Variants in GSE1 observed in about 807,000 individuals in gnomAD.
The protein encoded by GSE1 is Gse1 coiled-coil protein, also known as genetic suppressor element 1.
GSE1 carries 32 observed loss-of-function variants against 112.6 expected under a neutral mutation model. That is an observed-to-expected ratio of 0.28 (90% confidence interval 0.21 to 0.38). GSE1 has a LOEUF of 0.38. Among genes scored for constraint, GSE1 ranks in the 10% least tolerant of loss-of-function variants. The pLI is 1.00. For synonymous variants in GSE1, 1,115 were observed against 735.6 expected, an observed-to-expected ratio of 1.52 and a Z score of -8.35; for missense variants, 2,348 against 1,699.2, an observed-to-expected ratio of 1.38 and a Z score of -6.71.
chr16:85,171,823 C>T, intron 1 of GSE1: 1 of 982,322 alleles, frequency 1.0e-6, no homozygotes, highest in Non-Finnish European at 1.2e-6. Flanking sequence ...CAGCAGTTTT[C>T]ATCTCATCTT....
chr16:85,666,173 C>G lies in GSE1; in HGVS notation c.2956C>G (p.Leu986Val), dbSNP rs760869887. ...LSEAPGGKKS[L>V]SMLHYIRGAA... The stretch of plus-strand genomic sequence containing the variant: ...CGAGGCCCCTGGAGGCAAAAAGAGT[C>G]TGAGCATGCTTCACTATATCCGGGG... The change falls in exon 13 of 16, where the codon CTG (leucine) becomes GTG (valine). Residue 986 changes from leucine (L) to valine (V), a missense_variant. Leu to Val is a conservative substitution (Grantham distance 32). Transcript: ENST00000253458. 1.9e-6 allele frequency: 3 copies of G among 1,613,422 alleles called. No individual in the cohort carries two copies. The East Asian group carries it at 6.7e-5, about 36-fold the overall frequency.
intron 1 of GSE1, among the ~76,000 whole-genome samples, chr16:85,276,671 G>T (rs555346986): frequency 6.6e-6 from 1 of 152,202 alleles, no homozygotes; most frequent in African/African-American, 2.4e-5. Flanking sequence ...TTCGGTGGCG[G>T]GAGACAGGAT....
intron 2 of GSE1, among the ~76,000 whole-genome samples, chr16:85,368,747 G>A (rs2047236772): frequency 6.6e-6 from 1 of 152,162 alleles, no homozygotes; most frequent in Non-Finnish European, 1.5e-5. Flanking sequence ...AAATGATGAT[G>A]AAGTTTAAAA....
At chr16:85,312,553 T>C (rs909105212) in intron 1 of GSE1, among the ~76,000 whole-genome samples, 2 of 152,192 alleles carry the variant, frequency 1.3e-5, no homozygotes, top group African/African-American at 4.8e-5. Flanking sequence ...CCCGTGGATT[T>C]GGGTGCATTT....
At chr16:85,665,915 C>CT (rs1362716027) in intron 12 of GSE1, 61 bp from the exon 13 acceptor site, 2 of 1,525,080 alleles carry the variant, frequency 1.3e-6, no homozygotes, top group East Asian at 4.5e-5. Context: ...GATCTGCGTG[C>CT]TGGACACTCA....
At chr16:85,361,318 C>A (rs1170086176) in intron 2 of GSE1, among the ~76,000 whole-genome samples, 3 of 111,844 alleles carry the variant, frequency 2.7e-5, no homozygotes, top group African/African-American at 1.1e-4. Context: ...CACAGACCCC[C>A]CCACACACAA....
intron 1 of GSE1, among the ~76,000 whole-genome samples, chr16:85,246,333 C>CCA (rs1429066694): frequency 3.2e-5 from 1 of 31,532 alleles, no homozygotes; most frequent in Non-Finnish European, 5.8e-5. Context: ...ACACACACAC[C>CCA]CCCCACACGC....
intron 11 of GSE1, 145 bp downstream of exon 11, chr16:85,663,759 A>G: frequency 5.0e-6 from 4 of 795,420 alleles, no homozygotes; most frequent in Non-Finnish European, 8.0e-6. Context: ...GCTCCCGGGA[A>G]CAGCCTCTCT....
At chr16:85,666,602 C>A (rs75385433) in intron 13 of GSE1, 2 of 526,882 alleles carry the variant, frequency 3.8e-6, no homozygotes, top group African/African-American at 1.9e-5. Context: ...AGGGACGCAT[C>A]GATCGGTAAG....
chr16:85,539,165 T>G (rs775813163), intron 2 of GSE1, among the ~76,000 whole-genome samples: 4 of 152,248 alleles, frequency 2.6e-5, no homozygotes, highest in Non-Finnish European at 4.4e-5. Flanking sequence ...GTGTTTGTCT[T>G]TCCTCGTTAT....
chr16:85,655,765 G>C lies in GSE1; in HGVS notation c.837G>C (p.Pro279=), dbSNP rs761579964. Residue 279 remains proline (P), a synonymous_variant, in exon 6 of 16, where the codon CCG becomes CCC. Transcript: ENST00000253458. The part of the protein sequence containing the change: ...DSYCLSALRS[P]FYPIPTPGSL... The stretch of plus-strand genomic sequence containing the variant: ...ACTGCCTGTCTGCCCTGAGGTCCCC[G>C]TTCTACCCCATCCCCACCCCCGGCT... 1 of 1,609,760 alleles carries C rather than the reference G, an allele frequency of 6.2e-7. No homozygotes were observed. Among genetic ancestry groups the C allele is most frequent in the Non-Finnish European group, 8.5e-7 (1 of 1,178,292 alleles).
chr16:85,272,758 G>T (rs12928721), intron 1 of GSE1, among the ~76,000 whole-genome samples: 45,693 of 149,908 alleles, frequency 0.3, 10,523 homozygotes, highest in African/African-American at 0.66. Flanking sequence ...TTGCTTGCTT[G>T]CTTGTTTTCT....
rs1598200478 is a variant in GSE1 at position 85,564,472 on chromosome 16, G to A, written c.37+8109G>A. ...GGTGTGTGTAGAATTTTCTGGGCGT[G>A]CAGAGGAAAACAGTTTGGTTTGAGA... On this transcript the variant is annotated intron_variant, in intron 1 of 2. Coordinates refer to the GSE1 transcript ENST00000635906. Among the ~76,000 whole-genome samples the A allele has an allele frequency of 2.0e-5, 3 of 152,286 alleles. No homozygotes were observed. In the East Asian group the frequency reaches 5.8e-4, roughly 29 times the overall value.
intron 1 of GSE1, among the ~76,000 whole-genome samples, chr16:85,582,466 G>A (rs1294496274): frequency 6.6e-6 from 1 of 152,128 alleles, no homozygotes; most frequent in Non-Finnish European, 1.5e-5. Context: ...GCCAGAGCCC[G>A]GTCACTTGGG....
intron 1 of GSE1, among the ~76,000 whole-genome samples, chr16:85,623,215 C>CT (rs34549947): frequency 0.011 from 1,569 of 139,914 alleles, 5 homozygotes; most frequent in Non-Finnish European, 0.015. Flanking sequence ...TTGTCCACTC[C>CT]TTTTTTTTTT....
chr16:85,639,665 A>T (rs2050283201), intron 2 of GSE1, among the ~76,000 whole-genome samples: 1 of 152,254 alleles, frequency 6.6e-6, no homozygotes, highest in Admixed American at 6.5e-5. Context: ...CCACACCCTG[A>T]AGGCAGCCCT....
chr16:85,444,407 C>T (rs1323355902), intron 2 of GSE1, among the ~76,000 whole-genome samples: 6 of 152,158 alleles, frequency 3.9e-5, no homozygotes, highest in Admixed American at 3.9e-4. Context: ...TCATAGGTGC[C>T]GTTTCCAGCT....
intron 2 of GSE1, among the ~76,000 whole-genome samples, chr16:85,470,883 A>C (rs1018862900): frequency 1.3e-5 from 2 of 152,142 alleles, no homozygotes; most frequent in African/African-American, 2.4e-5. Flanking sequence ...CCCAAACAGA[A>C]CCTGAAAAAA....
At chr16:85,206,845 C>T (rs1244500534) in intron 1 of GSE1, among the ~76,000 whole-genome samples, 1 of 151,696 alleles carries the variant, frequency 6.6e-6, no homozygotes, top group East Asian at 2.0e-4. Flanking sequence ...CCCACCGCCC[C>T]CTCCACAAGC....
Sources: gnomAD v4.1 joint callset for allele counts (sites outside exome capture counted in the v4.1 genomes callset) on GRCh38, gnomAD v4.1.1 for gene constraint, MANE v1.5 for transcripts, NCBI Gene and HGNC (gene_info 2026-07-23, HGNC 2026-07-21) for gene names.